The following NTNG1 variants were observed in gnomAD, a reference collection of about 807,000 sequenced individuals.
The protein encoded by NTNG1 is netrin G1, also known as netrin-G1.
Under a neutral mutation model 54.0 loss-of-function variants are expected in NTNG1, and 16 were observed. That is an observed-to-expected ratio of 0.30 (90% CI 0.20 to 0.45). The LOEUF is 0.45. NTNG1 is among the 20% of genes least tolerant of loss of function. The probability of loss-of-function intolerance (pLI) is 1.00; values close to 1 mark genes in which losing one functional copy is unlikely to be tolerated. For synonymous variants in NTNG1, 255 were observed against 263.1 expected (o/e 0.97, Z 0.30); for missense variants, 530 against 678.7 (o/e 0.78, Z 2.43).
intron 2 of NTNG1, among the ~76,000 whole-genome samples, chr1:107,243,213 T>C (rs1428341226): frequency 6.6e-6 from 1 of 152,190 alleles, no homozygotes; most frequent in Non-Finnish European, 1.5e-5. Context: ...ATAACATCAG[T>C]GGTTGAATTG....
At chr1:107,319,865 T>TTATATATATATATATATATATATATA (rs1553225209) in intron 2 of NTNG1, among the ~76,000 whole-genome samples, 9 of 147,932 alleles carry the variant, frequency 6.1e-5, no homozygotes, top group East Asian at 6.0e-4. Flanking sequence ...TACCTGAGGT[T>TTATATATATATATATATATATATATA]TATATATATA....
At chr1:107,156,212 A>C (rs148691544) in intron 2 of NTNG1, among the ~76,000 whole-genome samples, 2 of 152,354 alleles carry the variant, frequency 1.3e-5, no homozygotes, top group African/African-American at 4.8e-5. Context: ...TTAAGAGACA[A>C]CTAGCAAAAT....
At chr1:107,445,407 A>C (rs1676247998) in intron 7 of NTNG1, among the ~76,000 whole-genome samples, 1 of 152,132 alleles carries the variant, frequency 6.6e-6, no homozygotes, top group Admixed American at 6.6e-5. Flanking sequence ...TATTTCTAGT[A>C]AAGAATTATT....
chr1:107,304,797 A>C (rs773692859), intron 2 of NTNG1, among the ~76,000 whole-genome samples: 1 of 152,052 alleles, frequency 6.6e-6, no homozygotes, highest in Non-Finnish European at 1.5e-5. Context: ...CAGATTTGTT[A>C]CATAGGTATA....
At chr1:107,276,826 C>CTTT (rs11329482) in intron 2 of NTNG1, among the ~76,000 whole-genome samples, 4 of 145,462 alleles carry the variant, frequency 2.7e-5, no homozygotes, top group African/African-American at 7.5e-5. Flanking sequence ...AAATTTTCTT[C>CTTT]TTTTTTTTTT....
intron 2 of NTNG1, among the ~76,000 whole-genome samples, chr1:107,216,027 C>A (rs978543388): frequency 3.9e-5 from 6 of 152,184 alleles, no homozygotes; most frequent in African/African-American, 1.4e-4. Context: ...ATTCATTTCC[C>A]AGTTCTGGAA....
intron 2 of NTNG1, among the ~76,000 whole-genome samples, chr1:107,188,181 A>AC (rs1158468508): frequency 6.6e-6 from 1 of 152,034 alleles, no homozygotes; most frequent in African/African-American, 2.4e-5. Flanking sequence ...GTCCTGATTG[A>AC]TGTGAAGCGA....
At chr1:107,174,351 T>C (rs1357015598) in intron 2 of NTNG1, among the ~76,000 whole-genome samples, 2 of 152,184 alleles carry the variant, frequency 1.3e-5, no homozygotes, top group Non-Finnish European at 2.9e-5. Context: ...AATGCAGCAC[T>C]TTGGCTGAAT....
chr1:107,273,539 C>T (rs1664282285), intron 2 of NTNG1, among the ~76,000 whole-genome samples: 1 of 152,178 alleles, frequency 6.6e-6, no homozygotes, highest in Non-Finnish European at 1.5e-5. Flanking sequence ...TCTGAAACAG[C>T]AGCCATGCTT....
At chr1:107,251,065 C>T (rs1274714562) in intron 2 of NTNG1, among the ~76,000 whole-genome samples, 2 of 152,166 alleles carry the variant, frequency 1.3e-5, no homozygotes, top group Non-Finnish European at 2.9e-5. Context: ...ATACATTTAT[C>T]ATGAAGAAAT....
intron 7 of NTNG1, among the ~76,000 whole-genome samples, chr1:107,456,982 A>C (rs1676994437): frequency 6.6e-6 from 1 of 152,350 alleles, no homozygotes; most frequent in South Asian, 2.1e-4. Context: ...ATGAAGCACA[A>C]CACCATCCAC....
chr1:107,479,516 G>A (rs1490271702), intron 7 of NTNG1, among the ~76,000 whole-genome samples: 1 of 152,284 alleles, frequency 6.6e-6, no homozygotes, highest in South Asian at 2.1e-4. Flanking sequence ...TTTATAAAAA[G>A]CTACTTTTTC....
At chr1:107,177,954 C>A (rs552967383) in intron 2 of NTNG1, among the ~76,000 whole-genome samples, 1 of 152,106 alleles carries the variant, frequency 6.6e-6, no homozygotes, top group African/African-American at 2.4e-5. Context: ...TCTCTCAACC[C>A]TCCCATTATA....
In NTNG1 at chr1:107,398,325, A is replaced by G. The variant is rs189339052; in HGVS notation, c.1060+2999A>G. ...GGATGGTCAGTTTCTGTTCACCTTC[A>G]CAAGTTTTAACAGAACAACTGGGAG... is the stretch of plus-strand genomic sequence containing the variant. On this transcript the variant is annotated intron_variant, in intron 4 of 7. Coordinates refer to ENST00000370068, the MANE Select transcript of NTNG1 (RefSeq NM_001113226.3). Among the ~76,000 whole-genome samples the G allele has an allele frequency of 1.2e-3, 181 of 152,306 alleles. 1 individual carries two copies. The highest frequency in any genetic ancestry group is 7.4e-5 in the Non-Finnish European group (5 of 68,016).
rs531362247 is a variant in NTNG1 at position 107,407,555 on chromosome 1, T to C, written c.1061-127T>C. 2.1e-5 allele frequency: 14 copies of C among 673,648 alleles called. 1 individual carries two copies. The highest frequency in any genetic ancestry group is 1.8e-4 in the African/African-American group (10 of 54,750). The allele number at this position is 673,648 out of a possible 1,614,324, so 41.7% of individuals were successfully genotyped here. ...TATATGTGCACCTGTATTTTGTGTG[T>C]GTGCTAATTTCTTAATAGTCTGAAT... On this transcript the variant is annotated intron_variant, in intron 4 of 7. Transcript: ENST00000370068.
rs115385670 is a variant in NTNG1, at chr1:107,385,976, G to A, written c.888-9178G>A. On this transcript the variant is annotated intron_variant, in intron 3 of 7. Coordinates refer to ENST00000370068, the MANE Select transcript of NTNG1 (RefSeq NM_001113226.3). ...AACAGTCACTCCCCATGTGCCCCTCGTGCCCCTCTCCCCATCTCCTGGCAT... is the reference window on the plus strand; with the variant it reads ...AACAGTCACTCCCCATGTGCCCCTCATGCCCCTCTCCCCATCTCCTGGCAT... 9.9e-3 allele frequency among the ~76,000 whole-genome samples: 1,465 copies of A among 148,686 alleles called. 31 individuals carry two copies. The highest frequency in any genetic ancestry group is 0.034 in the African/African-American group (1,367 of 40,222).
At chr1:107,424,661 T>C (rs1336190520) in intron 5 of NTNG1, among the ~76,000 whole-genome samples, 2 of 152,082 alleles carry the variant, frequency 1.3e-5, no homozygotes, top group East Asian at 3.9e-4. Context: ...TGTAGTGAGA[T>C]GGAGAAGCCT....
intron 7 of NTNG1, among the ~76,000 whole-genome samples, chr1:107,451,040 G>A (rs1676589899): frequency 6.6e-6 from 1 of 151,796 alleles, no homozygotes; most frequent in Non-Finnish European, 1.5e-5. Context: ...AATACCCTTA[G>A]GGGTTTGTAT....
intron 3 of NTNG1, among the ~76,000 whole-genome samples, chr1:107,357,545 C>A (rs1342165638): frequency 6.6e-6 from 1 of 152,160 alleles, no homozygotes; most frequent in East Asian, 1.9e-4. Flanking sequence ...TAGCTAATTT[C>A]ATTCTTTACT....
Sources: gnomAD v4.1 joint callset for allele counts (sites outside exome capture counted in the v4.1 genomes callset) on GRCh38, gnomAD v4.1.1 for gene constraint, MANE v1.5 for transcripts, NCBI Gene and HGNC (gene_info 2026-07-23, HGNC 2026-07-21) for gene names.